TMEM255B: variants seen among roughly 807,000 people sequenced by gnomAD.
TMEM255B encodes family with sequence similarity 70, member B.
TMEM255B carries 35 observed loss-of-function variants against 34.5 expected under a neutral mutation model. That is an observed-to-expected ratio of 1.01 (90% CI 0.77 to 1.34). The LOEUF (loss-of-function observed/expected upper bound fraction) is 1.34. Ranked by LOEUF, TMEM255B falls within the 40% of genes most tolerant of loss-of-function variation. The pLI is 0.00. For synonymous variants in TMEM255B, 206 were observed against 201.2 expected (o/e 1.02, Z -0.20); for missense variants, 432 against 433.2 (o/e 1.00, Z 0.02).
In TMEM255B at chr13:113,807,708, GT is replaced by G. The variant is rs1303027290; in HGVS notation, c.813+2681del. Among the ~76,000 whole-genome samples the G allele has an allele frequency of 6.3e-3, 909 of 143,544 alleles. 86 individuals are homozygous for G. Among genetic ancestry groups the G allele is most frequent in the Admixed American group, 0.015 (211 of 14,346 alleles). The allele number at this position is 143,544 out of a possible 152,430, so 94.2% of individuals were successfully genotyped here. A position where few individuals can be genotyped will look rare whatever the true frequency, so the allele number is the denominator to read the frequency against. ...ACACGCAGGCTTACGGGATGTGGGGGTGGTCCTCCCTGTCACACGTGGGCTT... is the reference window on the plus strand; with the variant it reads ...ACACGCAGGCTTACGGGATGTGGGGGGGTCCTCCCTGTCACACGTGGGCTT... On this transcript the variant is annotated intron_variant, in intron 8 of 8. Transcript: ENST00000375353.
chr13:113,769,120 G>A lies in TMEM255B; in HGVS notation c.212G>A (p.Gly71Glu), dbSNP rs1207929065. 1 of 1,614,170 alleles carries A rather than the reference G, an allele frequency of 6.2e-7. No homozygotes were observed. Among genetic ancestry groups the A allele is most frequent in the Admixed American group, 1.7e-5 (1 of 60,028 alleles). Residue 71 changes from glycine to glutamate, a missense_variant, in exon 3 of 9, where the codon GGA becomes GAA. By Grantham distance (98) the Gly-to-Glu change is moderately conservative (BLOSUM62 -2). Transcript: ENST00000375353. This position sits in a 1 kb window ranked among gnomAD's most constrained non-coding sequence, Gnocchi z 4.2. Reference protein sequence around the residue: ...GIILGFGSFLGIIGINLVENR... With the variant: ...GIILGFGSFLEIIGINLVENR... ...TAGCTCGGCTTTGGATCTTTCTTAG[G>A]AATTATTGGCATCAACTTGGTGGAG...
At chr13:113,796,360 C>T (rs1357321527) in intron 4 of TMEM255B, among the ~76,000 whole-genome samples, 1 of 146,818 alleles carries the variant, frequency 6.8e-6, no homozygotes, top group Admixed American at 6.7e-5. Context: ...ACACACCTCA[C>T]ACCACACAGA....
In TMEM255B at chr13:113,816,501, T is replaced by A. The variant is rs1277023542; in HGVS notation, c.*4598T>A. On this transcript the variant is annotated 3_prime_UTR_variant, in exon 9 of 9. Transcript: ENST00000375353. ...CCCAAGGATGTTGTGAAGATGGCCT[T>A]ATGGGGCTGCACTGGTGACTTGGAC... is the stretch of plus-strand genomic sequence containing the variant. 6.5e-6 allele frequency: 1 copy of A among 153,964 alleles called. No homozygotes were observed. The highest frequency in any genetic ancestry group is 6.5e-5 in the Admixed American group (1 of 15,274). The allele number at this position is 153,964 out of a possible 1,614,324, so 9.5% of individuals were successfully genotyped here.
In TMEM255B at chr13:113,785,551, G is replaced by A. The variant is rs147149567; in HGVS notation, c.253-9597G>A. Among the ~76,000 whole-genome samples the A allele has an allele frequency of 6.2e-3, 937 of 152,348 alleles. 11 individuals are homozygous for A. Among genetic ancestry groups the A allele is most frequent in the African/African-American group, 0.021 (883 of 41,580 alleles). On this transcript the variant is annotated intron_variant, in intron 3 of 8. Coordinates refer to ENST00000375353, the MANE Select transcript of TMEM255B (RefSeq NM_182614.4). ...CCACTGACAGAGAAATAGACCCACC[G>A]GAGGAGAGAGGCTGGAAAGCTGAAA...
In TMEM255B at chr13:113,812,177, A is replaced by C; in HGVS notation, c.*274A>C. ...CCACCCGGCCTCCTCCTCTGAGAGC[A>C]ATTGTTCTGGTGTTTTCACATCCCT... On this transcript the variant is annotated 3_prime_UTR_variant, in exon 9 of 9. Transcript: ENST00000375353. The C allele has an allele frequency of 2.0e-6, 1 of 507,136 alleles. No individual in the cohort carries two copies. Among genetic ancestry groups the C allele is most frequent in the Non-Finnish European group, 3.4e-6 (1 of 290,406 alleles). The allele number at this position is 507,136 out of a possible 1,614,324, so 31.4% of individuals were successfully genotyped here.
At chr13:113,782,821 C>T (rs994659961) in intron 3 of TMEM255B, among the ~76,000 whole-genome samples, 3 of 152,166 alleles carry the variant, frequency 2.0e-5, no homozygotes, top group African/African-American at 7.2e-5. Flanking sequence ...CAGTGTCCAG[C>T]GTTGCCACAT....
chr13:113,777,262 T>A (rs2050594287), intron 3 of TMEM255B, among the ~76,000 whole-genome samples: 1 of 151,996 alleles, frequency 6.6e-6, no homozygotes, highest in African/African-American at 2.4e-5. Context: ...TCTGTCTCCC[T>A]CTCCTCTATC....
At chr13:113,783,358 TGGGTTTTATATCA>T (rs1332729090) in intron 3 of TMEM255B, among the ~76,000 whole-genome samples, 2 of 152,216 alleles carry the variant, frequency 1.3e-5, no homozygotes, top group African/African-American at 4.8e-5. Context: ...CGTTAGCCAC[TGGGTTTTATATCA>T]GGGTTTGATT....
At chr13:113,768,022 C>A in intron 2 of TMEM255B, 1 of 353,678 alleles carries the variant, frequency 2.8e-6, no homozygotes, top group Non-Finnish European at 5.9e-6. Context: ...TCTATCACCA[C>A]AGACACACAG....
At chr13:113,773,300 G>A (rs2050506593) in intron 3 of TMEM255B, among the ~76,000 whole-genome samples, 1 of 152,168 alleles carries the variant, frequency 6.6e-6, no homozygotes, top group South Asian at 2.1e-4. Flanking sequence ...GCAACCCTGT[G>A]GAACTCATTT....
At position 113,804,869 on chromosome 13, in the gene TMEM255B, C is replaced by G. The variant is rs571125293; in HGVS notation, c.670-16C>G. 6.3e-7 allele frequency: 1 copy of G among 1,591,864 alleles called. No individual in the cohort carries two copies. Among genetic ancestry groups the G allele is most frequent in the Non-Finnish European group, 8.5e-7 (1 of 1,174,730 alleles). ...TAGGGGGTACACGCCGACCACCCGT[C>G]TCCTCTCCATGGCAGGTGCCTCTGT... On this transcript the variant is annotated splice_polypyrimidine_tract_variant and intron_variant, in intron 7 of 8. Coordinates refer to ENST00000375353, the MANE Select transcript of TMEM255B (RefSeq NM_182614.4).
chr13:113,796,712 G>A lies in TMEM255B; in HGVS notation c.342+1475G>A, dbSNP rs905357798. Among the ~76,000 whole-genome samples the A allele has an allele frequency of 6.6e-5, 10 of 152,226 alleles. No homozygotes were observed. The South Asian group carries it at 1.2e-3, about 19-fold the overall frequency. On this transcript the variant is annotated intron_variant, in intron 4 of 8. Transcript: ENST00000375353. ...TGGCTGGGCTCCTGGGTGGGCTCTC[G>A]CCATCTGGGCGTCAGCTGGTCCCCG...
intron 2 of TMEM255B, among the ~76,000 whole-genome samples, chr13:113,768,493 G>A (rs2140805523): frequency 6.6e-6 from 1 of 152,188 alleles, no homozygotes; most frequent in African/African-American, 2.4e-5. Flanking sequence ...ACCCCTGGTG[G>A]CCTGTGCTGC....
At chr13:113,766,523 G>A (rs973215822) in intron 2 of TMEM255B, 3 of 550,256 alleles carry the variant, frequency 5.5e-6, no homozygotes, top group Non-Finnish European at 1.0e-5. Context: ...CCATTGTCTG[G>A]GTTGGCCCGA....
At position 113,813,340 on chromosome 13, in the gene TMEM255B, C is replaced by G. The variant is rs1335035149; in HGVS notation, c.*1437C>G. 1 of 152,310 alleles carries G rather than the reference C, an allele frequency of 6.6e-6. No individual in the cohort carries two copies. The highest frequency in any genetic ancestry group is 1.5e-5 in the Non-Finnish European group (1 of 68,140). 9.4% of individuals were successfully genotyped at this position (152,310 alleles called of 1,614,324 possible). The stretch of plus-strand genomic sequence containing the variant: ...GGCCTCACGTCCCTCCCTGCAAAGC[C>G]CCCCGTGCCTACGATAAACAAGTAC... On this transcript the variant is annotated 3_prime_UTR_variant, in exon 9 of 9. Coordinates refer to ENST00000375353, the MANE Select transcript of TMEM255B (RefSeq NM_182614.4).
In TMEM255B at chr13:113,812,928, T is replaced by TGGGTCACAGGC. The variant is rs1566341899; in HGVS notation, c.*1025_*1026insGGGTCACAGGC. On this transcript the variant is annotated 3_prime_UTR_variant, in exon 9 of 9. Coordinates refer to ENST00000375353, the MANE Select transcript of TMEM255B (RefSeq NM_182614.4). ...TCACAGGCCCCGGGTGAGTCACGGGTCCCGGGTGGGTCACGGGTCCCGGGT... is the reference window on the plus strand; with the variant it reads ...TCACAGGCCCCGGGTGAGTCACGGGTGGGTCACAGGCCCCGGGTGGGTCACGGGTCCCGGGT... The TGGGTCACAGGC allele has an allele frequency of 1.2e-4, 13 of 109,482 alleles. 3 individuals carry two copies. Among genetic ancestry groups the TGGGTCACAGGC allele is most frequent in the East Asian group, 5.5e-4 (2 of 3,630 alleles). 6.8% of individuals were successfully genotyped at this position (109,482 alleles called of 1,614,324 possible).
At chr13:113,788,586 A>G (rs1028560445) in intron 3 of TMEM255B, among the ~76,000 whole-genome samples, 1 of 152,026 alleles carries the variant, frequency 6.6e-6, no homozygotes, top group Non-Finnish European at 1.5e-5. Context: ...TGGCGTACAC[A>G]GCCATCTTAG....
In TMEM255B at chr13:113,774,045, C is replaced by A. The variant is rs551173484; in HGVS notation, c.252+4885C>A. The stretch of plus-strand genomic sequence containing the variant: ...AATTTTTACCATAGAAAACTTTAAG[C>A]ACATACAAGGGTGAAGAAAATCGCA... On this transcript the variant is annotated intron_variant, in intron 3 of 8. Transcript: ENST00000375353. Among the ~76,000 whole-genome samples the A allele has an allele frequency of 1.4e-3, 206 of 152,248 alleles. 2 individuals are homozygous for A. The highest frequency in any genetic ancestry group is 3.4e-3 in the Middle Eastern group (1 of 294).
In TMEM255B at chr13:113,759,245, C is replaced by G. The variant is rs1052623313; in HGVS notation, c.-25C>G. 1.8e-5 allele frequency: 22 copies of G among 1,227,370 alleles called. No homozygotes were observed. The highest frequency in any genetic ancestry group is 1.3e-4 in the Admixed American group (3 of 23,542). 76.0% of individuals were successfully genotyped at this position (1,227,370 alleles called of 1,614,324 possible). On this transcript the variant is annotated 5_prime_UTR_variant, in exon 1 of 9. Coordinates refer to ENST00000375353, the MANE Select transcript of TMEM255B (RefSeq NM_182614.4). ...GGCGGCGGGACTGTGGCTGTGGCCC[C>G]GGGAGAGCCGGGTGGGGCCTCGGGA...
Sources: gnomAD v4.1 joint callset for allele counts (sites outside exome capture counted in the v4.1 genomes callset) on GRCh38, gnomAD v4.1.1 for gene constraint, Gnocchi (gnomAD v3.1) non-coding constraint, MANE v1.5 for transcripts, NCBI Gene and HGNC (gene_info 2026-07-23, HGNC 2026-07-21) for gene names.